CADM2: variants seen among roughly 807,000 people sequenced by gnomAD.
CADM2 encodes the protein cell adhesion molecule 2.
A neutral mutation model predicts 49.8 loss-of-function variants in CADM2; 12 were observed. The observed-to-expected ratio is 0.24, with a 90% CI of 0.15 to 0.39. CADM2 has a LOEUF of 0.39. Ranked by LOEUF, CADM2 falls within the 10% of genes least tolerant of loss-of-function variation. The pLI, the probability that CADM2 is intolerant of heterozygous loss-of-function variation, is 1.00. For synonymous variants in CADM2, 214 were observed against 175.4 expected (o/e 1.22, Z -1.74); for missense variants, 378 against 492.3 (o/e 0.77, Z 2.20).
intron 1 of CADM2, among the ~76,000 whole-genome samples, chr3:85,262,490 C>T (rs2043034483): frequency 6.6e-6 from 1 of 151,864 alleles, no homozygotes; most frequent in African/African-American, 2.4e-5. Context: ...ATTATATCTT[C>T]TTGAAAAAAT....
intron 1 of CADM2, among the ~76,000 whole-genome samples, chr3:85,658,221 A>C (rs1281673868): frequency 6.6e-6 from 1 of 152,076 alleles, no homozygotes. Flanking sequence ...ATTTGGACAC[A>C]AAGACATAAA....
At chr3:85,179,445 C>G (rs576992234) in intron 1 of CADM2, among the ~76,000 whole-genome samples, 1 of 151,344 alleles carries the variant, frequency 6.6e-6, no homozygotes, top group East Asian at 1.9e-4. Flanking sequence ...TTGGTTTTTG[C>G]TTTTTTTTGG....
chr3:85,821,498 T>C (rs531286637), intron 3 of CADM2, among the ~76,000 whole-genome samples: 8 of 152,292 alleles, frequency 5.3e-5, no homozygotes, highest in African/African-American at 1.9e-4. Context: ...CCCTAAATCC[T>C]AGTCCTCCTT....
At chr3:84,992,017 A>G (rs1049957144) in intron 1 of CADM2, among the ~76,000 whole-genome samples, 10 of 152,206 alleles carry the variant, frequency 6.6e-5, no homozygotes, top group African/African-American at 2.2e-4. Context: ...GAATAAGTAG[A>G]GCACAGAAGA....
intron 1 of CADM2, among the ~76,000 whole-genome samples, chr3:85,599,650 A>G (rs1285283642): frequency 6.6e-6 from 1 of 151,514 alleles, no homozygotes; most frequent in Non-Finnish European, 1.5e-5. Flanking sequence ...TTAAAATTAT[A>G]TCCCCTAAAA....
At chr3:85,125,170 T>C (rs1199913565) in intron 1 of CADM2, among the ~76,000 whole-genome samples, 1 of 152,164 alleles carries the variant, frequency 6.6e-6, no homozygotes, top group Non-Finnish European at 1.5e-5. Flanking sequence ...GTGGTTTTAT[T>C]TTGTTATCAA....
chr3:85,873,841 A>G (rs1203455302), intron 3 of CADM2, among the ~76,000 whole-genome samples: 1 of 152,156 alleles, frequency 6.6e-6, no homozygotes, highest in Non-Finnish European at 1.5e-5. Flanking sequence ...TAATTTTTTA[A>G]AGATAATATT....
chr3:85,241,115 G>A (rs969319466), intron 1 of CADM2, among the ~76,000 whole-genome samples: 1 of 151,520 alleles, frequency 6.6e-6, no homozygotes, highest in African/African-American at 2.4e-5. Context: ...GGGTGTTCAT[G>A]TGTTTAATTA....
chr3:85,420,415 C>T (rs970349158), intron 1 of CADM2, among the ~76,000 whole-genome samples: 1 of 152,122 alleles, frequency 6.6e-6, no homozygotes, highest in Non-Finnish European at 1.5e-5. Flanking sequence ...ACAAATGGGA[C>T]ATAGGTAACT....
chr3:85,631,820 C>A (rs2064317630), intron 1 of CADM2, among the ~76,000 whole-genome samples: 1 of 152,022 alleles, frequency 6.6e-6, no homozygotes, highest in African/African-American at 2.4e-5. Context: ...CAAGTATATA[C>A]TTTTGCCAAA....
At chr3:85,071,723 G>T (rs947704142) in intron 1 of CADM2, among the ~76,000 whole-genome samples, 5 of 152,068 alleles carry the variant, frequency 3.3e-5, no homozygotes, top group Admixed American at 6.6e-5. Flanking sequence ...ATTTGTAAAG[G>T]TAAATAAGAA....
chr3:85,633,084 A>G (rs2064360490), intron 1 of CADM2, among the ~76,000 whole-genome samples: 1 of 152,060 alleles, frequency 6.6e-6, no homozygotes, highest in African/African-American at 2.4e-5. Context: ...GACAACAACT[A>G]TGGAAAGTTC....
At chr3:85,345,848 T>A (rs2030585758) in intron 1 of CADM2, among the ~76,000 whole-genome samples, 1 of 152,222 alleles carries the variant, frequency 6.6e-6, no homozygotes, top group Non-Finnish European at 1.5e-5. Context: ...TTTTTTTGTG[T>A]GTGAAAAATA....
chr3:85,808,765 A>C (rs932807225), intron 3 of CADM2, among the ~76,000 whole-genome samples: 1 of 152,216 alleles, frequency 6.6e-6, no homozygotes, highest in Admixed American at 6.6e-5. Context: ...CAAAATAAAA[A>C]TTTATTAAAG....
At chr3:85,582,175 C>T (rs1304804277) in intron 1 of CADM2, among the ~76,000 whole-genome samples, 3 of 152,124 alleles carry the variant, frequency 2.0e-5, no homozygotes, top group Admixed American at 1.3e-4. Flanking sequence ...CCGCCTGCCT[C>T]AGCCTCCCAA....
rs530888974 is a variant in CADM2, at chr3:85,443,375, T to A, written c.62-283147T>A. ...TCAAACCAATACTTCAATTCAGTAA[T>A]CTTTGGAACAGCTATTGTATAACCT... On this transcript the variant is annotated intron_variant, in intron 1 of 9. Coordinates refer to ENST00000383699, the MANE Select transcript of CADM2 (RefSeq NM_001167675.2). Among the ~76,000 whole-genome samples the A allele has an allele frequency of 3.5e-4, 54 of 152,246 alleles. No individual in the cohort carries two copies. In the East Asian group the frequency reaches 8.9e-3, roughly 25 times the overall value.
chr3:85,827,807 A>G (rs1327243019), intron 3 of CADM2, among the ~76,000 whole-genome samples: 2 of 151,978 alleles, frequency 1.3e-5, no homozygotes, highest in Non-Finnish European at 2.9e-5. Context: ...ATCGTACTCA[A>G]AGTGAATGAT....
chr3:85,990,480 T>C (rs1448002153), intron 8 of CADM2, among the ~76,000 whole-genome samples: 1 of 152,186 alleles, frequency 6.6e-6, no homozygotes, highest in Non-Finnish European at 1.5e-5. Flanking sequence ...CGCATCTGTA[T>C]GTGATTGCTT....
intron 1 of CADM2, among the ~76,000 whole-genome samples, chr3:85,432,379 G>A (rs2036722076): frequency 1.3e-5 from 2 of 152,000 alleles, no homozygotes; most frequent in African/African-American, 4.8e-5. Flanking sequence ...TGAGGGGCCT[G>A]CATTTTGGAA....
Sources: allele counts gnomAD v4.1 joint callset (sites outside exome capture counted in the v4.1 genomes callset), GRCh38; gene constraint gnomAD v4.1.1; transcripts MANE v1.5; gene names NCBI Gene and HGNC (gene_info 2026-07-23, HGNC 2026-07-21).